LAMA3: variants seen among roughly 807,000 people sequenced by gnomAD.
LAMA3 encodes the protein laminin subunit alpha 3.
Under a neutral mutation model 402.0 loss-of-function variants are expected in LAMA3, and 281 were observed. The ratio of observed to expected loss-of-function variants is 0.70; its 90% CI spans 0.63 to 0.77. LAMA3 has a LOEUF of 0.77. Ranked by LOEUF, LAMA3 falls within the 30% of genes least tolerant of loss-of-function variation. The pLI, the probability that LAMA3 is intolerant of heterozygous loss-of-function variation, is 0.00. For missense variants in LAMA3, 3,840 were observed against 4,215.5 expected (o/e 0.91, Z 2.47); for synonymous variants, 1,431 against 1,558.4 (o/e 0.92, Z 1.93).
chr18:23,916,005 C>CAAAAAAAA (rs1408575781), intron 59 of LAMA3, among the ~76,000 whole-genome samples: 4 of 41,950 alleles, frequency 9.5e-5, no homozygotes, highest in African/African-American at 4.1e-4. Flanking sequence ...GACTCCATCT[C>CAAAAAAAA]CAAAAAAAAA....
At chr18:23,954,376 C>T (rs2083035848) in intron 74 of LAMA3, 127 bp from the exon 75 acceptor site, 1 of 793,604 alleles carries the variant, frequency 1.3e-6, no homozygotes. Flanking sequence ...GTACTTCAGC[C>T]TGGGTAACAG....
intron 55 of LAMA3, among the ~76,000 whole-genome samples, chr18:23,912,199 T>G (rs1054374062): frequency 3.3e-5 from 5 of 150,100 alleles, no homozygotes; most frequent in Admixed American, 1.3e-4. Context: ...AGTGGCATGA[T>G]CATGGCATGC....
intron 12 of LAMA3, among the ~76,000 whole-genome samples, chr18:23,805,814 G>A (rs2062951902): frequency 6.6e-6 from 1 of 152,164 alleles, no homozygotes; most frequent in Non-Finnish European, 1.5e-5. Context: ...GGTCCCTTTG[G>A]AAAAGGCTGG....
intron 12 of LAMA3, among the ~76,000 whole-genome samples, chr18:23,790,911 CAG>C (rs1263457789): frequency 6.7e-6 from 1 of 148,436 alleles, no homozygotes; most frequent in East Asian, 2.0e-4. Flanking sequence ...TTTTTTAAGA[CAG>C]AGTCTCGCTC....
intron 72 of LAMA3, among the ~76,000 whole-genome samples, chr18:23,951,072 C>T (rs866511958): frequency 6.6e-6 from 1 of 152,218 alleles, no homozygotes; most frequent in South Asian, 2.1e-4. Flanking sequence ...TTTATAAACA[C>T]ACTTATTTTA....
At chr18:23,745,236 T>C (rs2061632556) in intron 2 of LAMA3, among the ~76,000 whole-genome samples, 2 of 152,098 alleles carry the variant, frequency 1.3e-5, no homozygotes. Flanking sequence ...TAACAGTTGG[T>C]GAATCTAGGT....
At chr18:23,902,366 C>T (rs144972920) in intron 48 of LAMA3, among the ~76,000 whole-genome samples, 202 of 152,142 alleles carry the variant, frequency 1.3e-3, no homozygotes, top group African/African-American at 4.6e-3. Flanking sequence ...AAAATATGAG[C>T]GGTTTTATAG....
At chr18:23,753,960 C>T in intron 6 of LAMA3, 148 bp downstream of exon 6, 1 of 698,132 alleles carries the variant, frequency 1.4e-6, no homozygotes, top group Non-Finnish European at 2.6e-6. Flanking sequence ...GTGTGTGCCT[C>T]CTCTCCACCA....
chr18:23,756,697 G>A (rs2061851150), intron 6 of LAMA3, among the ~76,000 whole-genome samples: 1 of 152,198 alleles, frequency 6.6e-6, no homozygotes, highest in African/African-American at 2.4e-5. Flanking sequence ...ACTGAGAGCT[G>A]CCATCACAGT....
intron 12 of LAMA3, among the ~76,000 whole-genome samples, chr18:23,791,403 G>T (rs1476482550): frequency 3.3e-5 from 5 of 151,554 alleles, no homozygotes; most frequent in Admixed American, 3.3e-4. Flanking sequence ...GATCTTTTGT[G>T]GGGGGAAAAA....
chr18:23,805,620 T>C (rs2062948252), intron 12 of LAMA3, among the ~76,000 whole-genome samples: 1 of 152,172 alleles, frequency 6.6e-6, no homozygotes, highest in Non-Finnish European at 1.5e-5. Context: ...AAGATGGACC[T>C]GAGTTAAAGC....
intron 2 of LAMA3, among the ~76,000 whole-genome samples, chr18:23,744,418 G>C (rs2061612473): frequency 6.6e-6 from 1 of 152,174 alleles, no homozygotes; most frequent in African/African-American, 2.4e-5. Flanking sequence ...ATTAGTGCTG[G>C]AAGATGAGTT....
chr18:23,833,919 T>C lies in LAMA3; in HGVS notation c.2915T>C (p.Val972Ala), dbSNP rs771265522. The change falls in exon 24 of 75, where the codon GTT (valine) becomes GCT (alanine). Residue 972 changes from valine (V) to alanine (A), a missense_variant. Val to Ala is a moderately conservative substitution (Grantham distance 64). Coordinates refer to ENST00000313654, the MANE Select transcript of LAMA3 (RefSeq NM_198129.4). ...ACGGAGGCAGCTCAGCTGTTTGTGG[T>C]TGATGTGAATGTGAAGAGCTCCGGG... ...YSTEAAQLFV[V>A]DVNVKSSGSV... 12 of 1,614,152 alleles carry C rather than the reference T, an allele frequency of 7.4e-6. No individual in the cohort carries two copies. The highest frequency in any genetic ancestry group is 9.3e-6 in the Non-Finnish European group (11 of 1,180,032).
At chr18:23,730,368 CTT>C (rs11362144) in intron 2 of LAMA3, among the ~76,000 whole-genome samples, 10,761 of 118,734 alleles carry the variant, frequency 0.091, 778 homozygotes, top group Admixed American at 0.25. Flanking sequence ...CTTTTTCTTT[CTT>C]TTTTTTTTTT....
At chr18:23,801,938 C>A (rs572201778) in intron 12 of LAMA3, among the ~76,000 whole-genome samples, 1 of 152,110 alleles carries the variant, frequency 6.6e-6, no homozygotes, top group Non-Finnish European at 1.5e-5. Flanking sequence ...GTTTTACATA[C>A]ATATAACATA....
intron 68 of LAMA3, among the ~76,000 whole-genome samples, chr18:23,940,408 C>A (rs2082459631): frequency 6.6e-6 from 1 of 152,222 alleles, no homozygotes; most frequent in Admixed American, 6.5e-5. Flanking sequence ...TAGGGCATGG[C>A]AGCCCCACTG....
intron 1 of LAMA3, among the ~76,000 whole-genome samples, chr18:23,704,396 A>G (rs1227068844): frequency 1.3e-5 from 2 of 152,244 alleles, no homozygotes; most frequent in Non-Finnish European, 2.9e-5. Flanking sequence ...TCAGGCACAC[A>G]CGCAGTTCCT....
At chr18:23,785,763 C>CT (rs1028712109) in intron 12 of LAMA3, among the ~76,000 whole-genome samples, 1 of 152,124 alleles carries the variant, frequency 6.6e-6, no homozygotes, top group Non-Finnish European at 1.5e-5. Flanking sequence ...CAAAGGGTTT[C>CT]TTTTTTTCCT....
intron 74 of LAMA3, 107 bp from the exon 75 acceptor site, chr18:23,954,396 C>A: frequency 1.2e-6 from 1 of 840,588 alleles, no homozygotes; most frequent in Admixed American, 2.6e-5. Context: ...GAGCAGGACC[C>A]TGTCTAAAAA....
Sources: allele counts gnomAD v4.1 joint callset (sites outside exome capture counted in the v4.1 genomes callset), GRCh38; gene constraint gnomAD v4.1.1; transcripts MANE v1.5; gene names NCBI Gene and HGNC (gene_info 2026-07-23, HGNC 2026-07-21).